Variants in SLC14A2 observed in about 807,000 individuals in gnomAD.
SLC14A2 encodes the protein urea transporter 2.
Under a neutral mutation model 104.6 loss-of-function variants are expected in SLC14A2, and 91 were observed. That is an observed-to-expected ratio of 0.87 (90% CI 0.73 to 1.04). SLC14A2 has a LOEUF of 1.04. Among genes scored for constraint, SLC14A2 ranks in the 50% least tolerant of loss-of-function variants. The pLI, the probability that SLC14A2 is intolerant of heterozygous loss-of-function variation, is 0.00. For synonymous variants in SLC14A2, 476 were observed against 466.4 expected, an observed-to-expected ratio of 1.02 and a Z score of -0.27; for missense variants, 1,189 against 1,156.0, an observed-to-expected ratio of 1.03 and a Z score of -0.41.
At position 45,329,735 on chromosome 18, in the gene SLC14A2, C is replaced by T. The variant is rs1210461412; in HGVS notation, c.-125+116544C>T. ...TCTTTGTAACTCCCACAGTGCCCAGCACAGTGCTTGACCAGAAATAGATGT... is the reference window on the plus strand; with the variant it reads ...TCTTTGTAACTCCCACAGTGCCCAGTACAGTGCTTGACCAGAAATAGATGT... On this transcript the variant is annotated intron_variant, in intron 1 of 20. Transcript: ENST00000586448. 1.3e-5 allele frequency among the ~76,000 whole-genome samples: 2 copies of T among 152,110 alleles called. 1 individual carries two copies. Among genetic ancestry groups the T allele is most frequent in the East Asian group, 3.9e-4 (2 of 5,184 alleles).
At chr18:45,349,263 G>C (rs567404124) in intron 1 of SLC14A2, among the ~76,000 whole-genome samples, 2 of 152,292 alleles carry the variant, frequency 1.3e-5, no homozygotes, top group Admixed American at 6.5e-5. Flanking sequence ...TCAAATAGGA[G>C]AAATGTTACA....
chr18:45,275,259 G>A (rs757576966), intron 1 of SLC14A2, among the ~76,000 whole-genome samples: 1 of 151,938 alleles, frequency 6.6e-6, no homozygotes, highest in Non-Finnish European at 1.5e-5. Context: ...TTTCTTACAG[G>A]GTTTTGAAAA....
chr18:45,182,407 G>A, the SLC14A2 span, among the ~76,000 whole-genome samples: 3 of 151,500 alleles, frequency 2.0e-5, no homozygotes, highest in Non-Finnish European at 4.4e-5. Flanking sequence ...GATTTAAAAG[G>A]AAAAAATAAC....
chr18:45,582,824 A>G (rs1463027525), intron 2 of SLC14A2, among the ~76,000 whole-genome samples: 1 of 152,106 alleles, frequency 6.6e-6, no homozygotes, highest in Non-Finnish European at 1.5e-5. Flanking sequence ...TGGGAATTTC[A>G]AAGTTACCCA....
intron 1 of SLC14A2, among the ~76,000 whole-genome samples, chr18:45,293,900 A>T (rs2084895565): frequency 6.6e-6 from 1 of 152,226 alleles, no homozygotes; most frequent in Non-Finnish European, 1.5e-5. Context: ...CATTCCTTCC[A>T]GAAATTCTAC....
intron 2 of SLC14A2, among the ~76,000 whole-genome samples, chr18:45,602,426 A>G (rs1232781267): frequency 3.0e-4 from 46 of 152,356 alleles, no homozygotes; most frequent in Admixed American, 2.9e-3. Context: ...GCAAGGAGGC[A>G]GGAGCAAAGA....
intron 1 of SLC14A2, among the ~76,000 whole-genome samples, chr18:45,249,187 A>C (rs1206525404): frequency 1.3e-5 from 2 of 152,222 alleles, no homozygotes; most frequent in Non-Finnish European, 2.9e-5. Flanking sequence ...CAGTATCAAT[A>C]GAGAAGGAAA....
intron 1 of SLC14A2, among the ~76,000 whole-genome samples, chr18:45,624,317 C>T (rs137983314): frequency 1.1e-4 from 16 of 152,190 alleles, no homozygotes; most frequent in Admixed American, 2.6e-4. Flanking sequence ...CACAATAGGA[C>T]GGCACAGCAG....
At chr18:45,637,697 G>A (rs964487280) in intron 6 of SLC14A2, among the ~76,000 whole-genome samples, 1 of 152,166 alleles carries the variant, frequency 6.6e-6, no homozygotes, top group Non-Finnish European at 1.5e-5. Context: ...GGCAATGTCT[G>A]GAGACATTTT....
intron 2 of SLC14A2, among the ~76,000 whole-genome samples, chr18:45,589,242 C>T (rs1001126174): frequency 6.7e-5 from 9 of 134,670 alleles, no homozygotes; most frequent in African/African-American, 1.1e-4. Flanking sequence ...CTGCACAGAA[C>T]GATTAAAGTT....
chr18:45,243,287 C>A (rs1382714372), intron 1 of SLC14A2, among the ~76,000 whole-genome samples: 2 of 152,162 alleles, frequency 1.3e-5, no homozygotes, highest in Non-Finnish European at 2.9e-5. Flanking sequence ...GCATGTGTGC[C>A]AAGTGCTTCA....
At chr18:45,549,319 CT>C (rs1471383013) in intron 2 of SLC14A2, among the ~76,000 whole-genome samples, 1 of 152,210 alleles carries the variant, frequency 6.6e-6, no homozygotes, top group African/African-American at 2.4e-5. Flanking sequence ...ATGCAAACAA[CT>C]GATATTCAGA....
At chr18:45,664,064 C>T (rs754834128) in intron 11 of SLC14A2, among the ~76,000 whole-genome samples, 157 bp downstream of exon 11, 14 of 152,072 alleles carry the variant, frequency 9.2e-5, no homozygotes, top group Non-Finnish European at 2.9e-5. Context: ...CACAGTTCCC[C>T]GAATGCGTCT....
At chr18:45,391,603 T>G (rs2085966563) in intron 1 of SLC14A2, among the ~76,000 whole-genome samples, 1 of 152,232 alleles carries the variant, frequency 6.6e-6, no homozygotes, top group Admixed American at 6.5e-5. Context: ...TCCTGACTTT[T>G]TAATGATCAC....
At chr18:45,561,735 T>C (rs16978405) in intron 2 of SLC14A2, among the ~76,000 whole-genome samples, 1,943 of 152,322 alleles carry the variant, frequency 0.013, 43 homozygotes, top group African/African-American at 0.045. Context: ...ATATTTCTTT[T>C]TCATCCGTGT....
At chr18:45,284,449 C>T (rs992679430) in intron 1 of SLC14A2, among the ~76,000 whole-genome samples, 7 of 152,170 alleles carry the variant, frequency 4.6e-5, no homozygotes, top group African/African-American at 1.4e-4. Context: ...CTGTCTCCTT[C>T]ATGCTCTAGG....
the SLC14A2 span, among the ~76,000 whole-genome samples, chr18:45,178,961 A>G: frequency 6.6e-6 from 1 of 152,222 alleles, no homozygotes; most frequent in Admixed American, 6.5e-5. Flanking sequence ...AACTACTACA[A>G]GTCTACAGAG....
chr18:45,331,077 CTT>C (rs2085284964), intron 1 of SLC14A2, among the ~76,000 whole-genome samples: 1 of 152,162 alleles, frequency 6.6e-6, no homozygotes, highest in East Asian at 1.9e-4. Context: ...TTCTGTAAGA[CTT>C]TTGGATAAAA....
At chr18:45,227,842 T>C (rs1021833190) in intron 1 of SLC14A2, among the ~76,000 whole-genome samples, 1 of 152,216 alleles carries the variant, frequency 6.6e-6, no homozygotes, top group Non-Finnish European at 1.5e-5. Context: ...GTCAGCCCCA[T>C]TCTCTTGCTC....
Sources: gnomAD v4.1 joint callset for allele counts (sites outside exome capture counted in the v4.1 genomes callset) on GRCh38, gnomAD v4.1.1 for gene constraint, MANE v1.5 for transcripts, NCBI Gene and HGNC (gene_info 2026-07-23, HGNC 2026-07-21) for gene names.